The following KCNMA1 variants were observed in gnomAD, a reference collection of about 807,000 sequenced individuals.
KCNMA1 encodes the protein Calcium-activated potassium channel subunit alpha-1.
In KCNMA1, 29 loss-of-function variants were observed where a neutral mutation model predicts 140.0. That is an observed-to-expected ratio of 0.21 (90% CI 0.15 to 0.28). KCNMA1 has a LOEUF of 0.28. Among genes scored for constraint, KCNMA1 ranks in the 10% least tolerant of loss-of-function variants. The probability of loss-of-function intolerance (pLI) is 1.00; values close to 1 mark genes in which losing one functional copy is unlikely to be tolerated. For synonymous variants in KCNMA1, 612 were observed against 611.9 expected (o/e 1.00, Z 0.00); for missense variants, 880 against 1,602.2 (o/e 0.55, Z 7.70).
At chr10:77,297,952 G>C (rs977674067) in intron 2 of KCNMA1, among the ~76,000 whole-genome samples, 1 of 152,190 alleles carries the variant, frequency 6.6e-6, no homozygotes, top group Non-Finnish European at 1.5e-5. Context: ...AAAAGTTGCT[G>C]ACTAAACCTG....
chr10:77,177,417 T>C (rs1370272563), intron 5 of KCNMA1, among the ~76,000 whole-genome samples: 1 of 150,852 alleles, frequency 6.6e-6, no homozygotes, highest in Non-Finnish European at 1.5e-5. Context: ...CCTTCTTTCC[T>C]CTTTCCTTCC....
chr10:76,911,604 C>G (rs930828948), intron 24 of KCNMA1: 1 of 152,228 alleles, frequency 6.6e-6, no homozygotes, highest in Admixed American at 6.5e-5. Flanking sequence ...GGCCCAGCAT[C>G]TGGATCATGC....
At chr10:77,448,501 GT>G (rs1277472398) in intron 1 of KCNMA1, among the ~76,000 whole-genome samples, 1 of 152,082 alleles carries the variant, frequency 6.6e-6, no homozygotes, top group Admixed American at 6.6e-5. Flanking sequence ...TGTTGACATA[GT>G]CACTTTACAT....
chr10:77,136,602 A>T (rs1328992704), intron 5 of KCNMA1, among the ~76,000 whole-genome samples: 2 of 152,078 alleles, frequency 1.3e-5, no homozygotes, highest in Non-Finnish European at 2.9e-5. Flanking sequence ...GAAAAAAAAA[A>T]AAAAGAAGTA....
In KCNMA1 at chr10:77,126,756, G is replaced by T. The variant is rs193024446; in HGVS notation, c.809-5708C>A. 5.0e-3 allele frequency among the ~76,000 whole-genome samples: 614 copies of T among 123,748 alleles called. 5 individuals carry two copies. Among genetic ancestry groups the T allele is most frequent in the African/African-American group, 0.019 (594 of 31,272 alleles). 81.2% of individuals were successfully genotyped at this position (123,748 alleles called of 152,430 possible). ...CCCCCACCACCACACACAAATGCTG[G>T]CTGATGTAGGGACAAAGGTCAGCTG... On this transcript the variant is annotated intron_variant, in intron 5 of 27. Transcript: ENST00000286628.
At chr10:77,356,219 C>T (rs1198751461) in intron 2 of KCNMA1, among the ~76,000 whole-genome samples, 3 of 152,178 alleles carry the variant, frequency 2.0e-5, no homozygotes, top group African/African-American at 4.8e-5. Flanking sequence ...AACAAGTTCT[C>T]TACCATTCTG....
intron 1 of KCNMA1, among the ~76,000 whole-genome samples, chr10:77,588,191 G>A (rs2077841039): frequency 6.6e-6 from 1 of 152,168 alleles, no homozygotes; most frequent in African/African-American, 2.4e-5. Flanking sequence ...CCTGTTGGCC[G>A]AGGTCAAAGG....
intron 1 of KCNMA1, among the ~76,000 whole-genome samples, chr10:77,443,536 C>T (rs2097456167): frequency 6.6e-6 from 1 of 152,114 alleles, no homozygotes; most frequent in Non-Finnish European, 1.5e-5. Flanking sequence ...GAGGAATCTA[C>T]CCTGCCTGGC....
At chr10:77,408,496 A>G (rs2096543800) in intron 1 of KCNMA1, among the ~76,000 whole-genome samples, 1 of 151,768 alleles carries the variant, frequency 6.6e-6, no homozygotes, top group African/African-American at 2.4e-5. Context: ...GTGTGTGTGC[A>G]TGTCTGAGAA....
intron 2 of KCNMA1, among the ~76,000 whole-genome samples, chr10:77,376,970 T>TACATACATACATACATACAA (rs2095161968): frequency 6.6e-6 from 1 of 151,908 alleles, no homozygotes; most frequent in Non-Finnish European, 1.5e-5. Context: ...CATACATACA[T>TACATACATACATACATACAA]ACATACATAC....
At chr10:77,460,948 A>C (rs1326967590) in intron 1 of KCNMA1, among the ~76,000 whole-genome samples, 3 of 152,184 alleles carry the variant, frequency 2.0e-5, no homozygotes, top group Admixed American at 1.3e-4. Context: ...TCTACTAAAA[A>C]TACAAAAATT....
chr10:77,352,261 T>G (rs977122572), intron 2 of KCNMA1, among the ~76,000 whole-genome samples: 1 of 152,228 alleles, frequency 6.6e-6, no homozygotes, highest in Non-Finnish European at 1.5e-5. Context: ...TTTCTCCTGG[T>G]TAGTGGTCCT....
chr10:77,116,257 A>G (rs2097461722), intron 6 of KCNMA1, among the ~76,000 whole-genome samples: 1 of 152,138 alleles, frequency 6.6e-6, no homozygotes, highest in South Asian at 2.1e-4. Flanking sequence ...TCTAATTCAC[A>G]TCGATGGACA....
At chr10:77,578,902 A>G (rs2075049855) in intron 1 of KCNMA1, among the ~76,000 whole-genome samples, 1 of 152,164 alleles carries the variant, frequency 6.6e-6, no homozygotes, top group Admixed American at 6.5e-5. Context: ...TGTGCTCTTC[A>G]CATCTAGAGC....
At chr10:76,951,913 T>C (rs1284571540) in intron 21 of KCNMA1, 24 of 929,790 alleles carry the variant, frequency 2.6e-5, no homozygotes, top group Non-Finnish European at 3.8e-5. Flanking sequence ...ACAAGCTCTG[T>C]GAGAGCAGTC....
At chr10:77,119,623 A>G (rs2097553094) in intron 6 of KCNMA1, among the ~76,000 whole-genome samples, 1 of 152,220 alleles carries the variant, frequency 6.6e-6, no homozygotes, top group Admixed American at 6.5e-5. Flanking sequence ...AGAATAATTA[A>G]AAGGCAGAAA....
At chr10:77,591,034 C>T (rs1162186540) in intron 1 of KCNMA1, among the ~76,000 whole-genome samples, 1 of 152,150 alleles carries the variant, frequency 6.6e-6, no homozygotes. Context: ...CATATGGTGC[C>T]AGCAGACAGC....
Position 77,439,000 on chromosome 10 carries a change from C to T in KCNMA1, c.379-34977G>A, listed in dbSNP as rs550754179. 6.7e-5 allele frequency among the ~76,000 whole-genome samples: 10 copies of T among 148,670 alleles called. No homozygotes were observed. In the East Asian group the frequency reaches 1.6e-3, roughly 24 times the overall value. ...CTGAAACAGGAGAATGACTTGAACC[C>T]GGGAGGCCGAGGCCGAGCCCAGATC... is the stretch of plus-strand genomic sequence containing the variant. On this transcript the variant is annotated intron_variant, in intron 1 of 27. Transcript: ENST00000286628.
chr10:77,600,127 T>C (rs2082169592), intron 1 of KCNMA1, among the ~76,000 whole-genome samples: 1 of 152,192 alleles, frequency 6.6e-6, no homozygotes. Context: ...ACATCCACCT[T>C]GGCACATGCT....
Sources: gnomAD v4.1 joint callset for allele counts (sites outside exome capture counted in the v4.1 genomes callset) on GRCh38, gnomAD v4.1.1 for gene constraint, MANE v1.5 for transcripts, NCBI Gene and HGNC (gene_info 2026-07-23, HGNC 2026-07-21) for gene names.